PLA2G5: variants seen among roughly 807,000 people sequenced by gnomAD.
The protein encoded by PLA2G5 is Ca2+-dependent phospholipase A2.
A neutral mutation model predicts 15.9 loss-of-function variants in PLA2G5; 12 were observed. The observed-to-expected ratio is 0.76, with a 90% CI of 0.48 to 1.23. The LOEUF (loss-of-function observed/expected upper bound fraction) is 1.23, where lower values mean the gene tolerates loss of function less well. PLA2G5 is among the 50% of genes most tolerant of loss of function. The pLI is 0.00. For synonymous variants in PLA2G5, 71 were observed against 71.4 expected, an observed-to-expected ratio of 0.99 and a Z score of 0.03; for missense variants, 169 against 177.1, an observed-to-expected ratio of 0.95 and a Z score of 0.26.
intron 2 of PLA2G5, among the ~76,000 whole-genome samples, chr1:20,062,554 G>A (rs1367219463): frequency 5.9e-5 from 9 of 152,166 alleles, no homozygotes; most frequent in Non-Finnish European, 2.9e-5. Flanking sequence ...AGCACTTTGG[G>A]AGGCCAAAGT....
chr1:20,063,002 G>A (rs1407191738), intron 2 of PLA2G5, among the ~76,000 whole-genome samples: 3 of 152,126 alleles, frequency 2.0e-5, no homozygotes, highest in Non-Finnish European at 4.4e-5. Context: ...ACGTGGGGAA[G>A]CACCTACTCA....
intron 1 of PLA2G5, among the ~76,000 whole-genome samples, chr1:20,052,344 T>G (rs1392147032): frequency 6.6e-6 from 1 of 152,190 alleles, no homozygotes; most frequent in Non-Finnish European, 1.5e-5. Context: ...TTTCCTAATT[T>G]GGAGTCACTG....
chr1:20,032,102 C>G (rs923061917), intron 1 of PLA2G5, among the ~76,000 whole-genome samples: 6 of 152,166 alleles, frequency 3.9e-5, no homozygotes, highest in Admixed American at 2.6e-4. Context: ...AAGTGAAGTT[C>G]AGGCCATCTT....
At chr1:20,086,296 T>C (rs2016288880) in intron 3 of PLA2G5, 69 bp downstream of exon 3, 1 of 1,503,476 alleles carries the variant, frequency 6.7e-7, no homozygotes, top group Non-Finnish European at 9.2e-7. Flanking sequence ...TTCAATTCCA[T>C]ATCAGTTCTG....
At chr1:20,054,619 C>T (rs1263440366) in intron 1 of PLA2G5, among the ~76,000 whole-genome samples, 1 of 151,630 alleles carries the variant, frequency 6.6e-6, no homozygotes, top group Non-Finnish European at 1.5e-5. Flanking sequence ...TGGTGGCTGT[C>T]TCAGTGGGGT....
Position 20,084,879 on chromosome 1 carries a change from TG to T in PLA2G5, c.40+11del, listed in dbSNP as rs1215164744. ...TTGGTTCCTGGCTTGTAGTAAGTGC[TG>T]GCCCCGTGACCTTCGAATGAACTTT... On this transcript the variant is annotated intron_variant, in intron 2 of 4. Transcript: ENST00000375108. The T allele has an allele frequency of 6.3e-7, 1 of 1,596,848 alleles. No homozygotes were observed. Among genetic ancestry groups the T allele is most frequent in the African/African-American group, 1.3e-5 (1 of 74,616 alleles).
At chr1:20,068,872 G>C, upstream of PLA2G5, 2 of 1,150,410 alleles carry the variant, frequency 1.7e-6, no homozygotes, top group Non-Finnish European at 2.3e-6. Flanking sequence ...CCTCCTGGAA[G>C]CCGCTGATAC....
chr1:20,044,945 G>A (rs2013813345), intron 1 of PLA2G5, among the ~76,000 whole-genome samples: 1 of 152,080 alleles, frequency 6.6e-6, no homozygotes, highest in South Asian at 2.1e-4. Flanking sequence ...GTCACATTGG[G>A]AACAGAGACT....
At chr1:20,064,852 C>T (rs1156393557) in intron 2 of PLA2G5, among the ~76,000 whole-genome samples, 1 of 152,084 alleles carries the variant, frequency 6.6e-6, no homozygotes, top group Non-Finnish European at 1.5e-5. Context: ...ATGGGAATCA[C>T]CAGGGAGCTT....
chr1:20,029,425 A>G (rs900628655), intron 1 of PLA2G5, among the ~76,000 whole-genome samples: 4 of 142,984 alleles, frequency 2.8e-5, no homozygotes, highest in Non-Finnish European at 6.0e-5. Context: ...GCTCCTCTCA[A>G]GGTCCAGCTG....
intron 2 of PLA2G5, among the ~76,000 whole-genome samples, chr1:20,062,846 G>A (rs2014805315): frequency 6.6e-6 from 1 of 152,126 alleles, no homozygotes; most frequent in Non-Finnish European, 1.5e-5. Context: ...AGCCAGATGA[G>A]TTCTAGGCCT....
intron 1 of PLA2G5, among the ~76,000 whole-genome samples, chr1:20,072,725 G>C (rs1211601648): frequency 1.3e-5 from 2 of 152,134 alleles, no homozygotes; most frequent in African/African-American, 4.8e-5. Flanking sequence ...CAGGAAAAAA[G>C]GAGGAAGCCA....
upstream of PLA2G5, among the ~76,000 whole-genome samples, chr1:20,069,938 C>A (rs1239018733): frequency 6.6e-6 from 1 of 151,810 alleles, no homozygotes; most frequent in African/African-American, 2.4e-5. Context: ...ACTGATGAGC[C>A]CCCAGGGACT....
chr1:20,071,363 C>A (rs1024552929), intron 1 of PLA2G5, among the ~76,000 whole-genome samples: 6 of 152,150 alleles, frequency 3.9e-5, no homozygotes, highest in African/African-American at 9.7e-5. Flanking sequence ...AAATGAGACA[C>A]CCTCAAGGAT....
chr1:20,032,845 AGGCT>A lies in PLA2G5; in HGVS notation n.276+4138_276+4141del, dbSNP rs1437568079. ...GATGGGGTTTTAAGGGGTGCCTGCCAGGCTGCTGAATTTGCTAAGAAGTTTTCAT... is the reference window on the plus strand; with the variant it reads ...GATGGGGTTTTAAGGGGTGCCTGCCAGCTGAATTTGCTAAGAAGTTTTCAT... On this transcript the variant is annotated intron_variant and non_coding_transcript_variant, in intron 1 of 6. Transcript: ENST00000460175. Among the ~76,000 whole-genome samples the A allele has an allele frequency of 3.9e-5, 6 of 152,190 alleles. No homozygotes were observed. In the East Asian group the frequency reaches 5.8e-4, roughly 15 times the overall value.
At chr1:20,064,516 A>G (rs988820239) in intron 2 of PLA2G5, among the ~76,000 whole-genome samples, 4 of 151,880 alleles carry the variant, frequency 2.6e-5, no homozygotes, top group East Asian at 1.9e-4. Context: ...CGGAGGTTGC[A>G]GTGAGCTGAG....
chr1:20,067,137 C>G (rs185394577), upstream of PLA2G5, among the ~76,000 whole-genome samples: 6 of 152,088 alleles, frequency 3.9e-5, no homozygotes, highest in Non-Finnish European at 8.8e-5. Flanking sequence ...CTGGACTACA[C>G]GTGCACACCA....
chr1:20,056,263 T>C (rs1306569271), intron 1 of PLA2G5, among the ~76,000 whole-genome samples: 3 of 151,872 alleles, frequency 2.0e-5, no homozygotes, highest in Non-Finnish European at 1.5e-5. Context: ...AAAGATCCAC[T>C]CAGAGTGTGG....
chr1:20,035,397 C>A (rs531658793), intron 1 of PLA2G5, among the ~76,000 whole-genome samples: 65 of 152,270 alleles, frequency 4.3e-4, no homozygotes, highest in African/African-American at 1.4e-3. Flanking sequence ...TGCATTTTCT[C>A]CCAGCAGAAT....
Sources: gnomAD v4.1 joint callset for allele counts (sites outside exome capture counted in the v4.1 genomes callset) on GRCh38, gnomAD v4.1.1 for gene constraint, MANE v1.5 for transcripts, NCBI Gene and HGNC (gene_info 2026-07-23, HGNC 2026-07-21) for gene names.